HSPA12B: variants seen among roughly 807,000 people sequenced by gnomAD.
HSPA12B encodes heat shock 70 kDa protein 12B.
In HSPA12B, 54 loss-of-function variants were observed where a neutral mutation model predicts 69.3. The observed-to-expected ratio is 0.78, with a 90% CI of 0.63 to 0.98. The LOEUF (loss-of-function observed/expected upper bound fraction) is 0.98, where lower values mean the gene tolerates loss of function less well. Among genes scored for constraint, HSPA12B ranks in the 50% least tolerant of loss-of-function variants. The pLI is 0.00. For missense variants in HSPA12B, 929 were observed against 999.8 expected (o/e 0.93, Z 0.96); for synonymous variants, 441 against 436.5 (o/e 1.01, Z -0.13).
rs1435166254 is a variant in HSPA12B at position 3,749,654 on chromosome 20, C to G, written c.938-96C>G. ...CCGACCCTGCAGACAGGCCTTGGGA[C>G]CCGGGGCAGGGCTGGAGGCTGGGCG... is the stretch of plus-strand genomic sequence containing the variant. On this transcript the variant is annotated intron_variant, in intron 9 of 12. Transcript: ENST00000254963. This position sits in a 1 kb window ranked among gnomAD's most constrained non-coding sequence, Gnocchi z 5.5. 1.8e-5 allele frequency: 17 copies of G among 922,332 alleles called. No individual in the cohort carries two copies. Among genetic ancestry groups the G allele is most frequent in the Admixed American group, 1.6e-4 (6 of 36,396 alleles). The allele number at this position is 922,332 out of a possible 1,614,324, so 57.1% of individuals were successfully genotyped here. A position where few individuals can be genotyped will look rare whatever the true frequency, so the allele number is the denominator to read the frequency against.
intron 4 of HSPA12B, among the ~76,000 whole-genome samples, chr20:3,743,352 TAAAAA>T (rs10716070): frequency 6.8e-6 from 1 of 147,294 alleles, no homozygotes; most frequent in African/African-American, 2.5e-5. Context: ...CTGGCTAATT[TAAAAA>T]AAAAAAAAAA....
chr20:3,738,283 G>T (rs1238887980), intron 1 of HSPA12B, among the ~76,000 whole-genome samples: 1 of 152,190 alleles, frequency 6.6e-6, no homozygotes, highest in Non-Finnish European at 1.5e-5. Context: ...TCTAGGGCAG[G>T]GACAGTGTCT....
At chr20:3,750,618 CT>C in intron 11 of HSPA12B, 185 bp from the exon 12 acceptor site, 1 of 971,730 alleles carries the variant, frequency 1.0e-6, no homozygotes, top group South Asian at 4.8e-5. Context: ...ACTAAATCCT[CT>C]GAGTGAGTAG....
Position 3,740,530 on chromosome 20 carries a change from C to T in HSPA12B, c.44-285C>T, listed in dbSNP as rs188553905. 1.3e-5 allele frequency among the ~76,000 whole-genome samples: 2 copies of T among 152,318 alleles called. No individual in the cohort carries two copies. The highest frequency in any genetic ancestry group is 2.4e-5 in the African/African-American group (1 of 41,564). On this transcript the variant is annotated intron_variant, in intron 2 of 12. Transcript: ENST00000254963. The surrounding 1 kb of genome is among the most constrained non-coding windows in gnomAD (Gnocchi z 4.9). ...CACACAATGCTTTTCTGTCTCTCTCCCCTCCCACACTGTGTGTCTGAGGGG... is the reference window on the plus strand; with the variant it reads ...CACACAATGCTTTTCTGTCTCTCTCTCCTCCCACACTGTGTGTCTGAGGGG...
chr20:3,740,833 C>T lies in HSPA12B; in HGVS notation c.62C>T (p.Ser21Phe), dbSNP rs867494918. ...TCTGCAGGCTCCAGCCCGGAGCGGT[C>T]CCCAGTGCCTAGCCCACCCGGCTCC... Reference protein sequence around the residue: ...GLYIGSSPERSPVPSPPGSPR... With the variant: ...GLYIGSSPERFPVPSPPGSPR... The change falls in exon 3 of 13, where the codon TCC becomes TTC. Residue 21 changes from serine to phenylalanine, a missense_variant. By Grantham distance (155) the Ser-to-Phe change is radical. Coordinates refer to ENST00000254963, the MANE Select transcript of HSPA12B (RefSeq NM_052970.5). This position sits in a 1 kb window ranked among gnomAD's most constrained non-coding sequence, Gnocchi z 4.9. The T allele has an allele frequency of 1.2e-6, 2 of 1,613,626 alleles. No individual in the cohort carries two copies. The highest frequency in any genetic ancestry group is 1.3e-5 in the African/African-American group (1 of 75,048).
chr20:3,736,308 CTTCTGA>C (rs1479457831), intron 1 of HSPA12B, among the ~76,000 whole-genome samples: 1 of 152,330 alleles, frequency 6.6e-6, no homozygotes, highest in East Asian at 1.9e-4. Context: ...ACCCATCCTT[CTTCTGA>C]TTCTGATTCC....
chr20:3,748,229 T>G lies in HSPA12B; in HGVS notation c.688T>G (p.Ser230Ala). The G allele has an allele frequency of 1.9e-6, 3 of 1,576,786 alleles. No individual in the cohort carries two copies. Among genetic ancestry groups the G allele is most frequent in the Non-Finnish European group, 1.7e-6 (2 of 1,158,922 alleles). The change falls in exon 8 of 13, where the codon TCC (serine) becomes GCC (alanine). Residue 230 changes from serine (S) to alanine (A), a missense_variant. Around this residue, in one of 3 missense-constraint regions of HSPA12B, gnomAD observed 477 missense variants for 535.2 expected, o/e 0.89. Coordinates refer to ENST00000254963, the MANE Select transcript of HSPA12B (RefSeq NM_052970.5). ...CACCCATCCCCAGGCTGGACTAGTGTCCCGAGAGAATGCAGAGCAGCTACT... is the reference window on the plus strand; with the variant it reads ...CACCCATCCCCAGGCTGGACTAGTGGCCCGAGAGAATGCAGAGCAGCTACT... ...REAAYLAGLV[S>A]RENAEQLLIA...
In HSPA12B at chr20:3,745,121, G is replaced by C. The variant is rs749852060; in HGVS notation, c.453+33G>C. On this transcript the variant is annotated intron_variant, in intron 5 of 12. Transcript: ENST00000254963. The surrounding 1 kb of genome is among the most constrained non-coding windows in gnomAD (Gnocchi z 5.6). The stretch of plus-strand genomic sequence containing the variant: ...ACAGGGCTCCAGACAGGGAGGCGGG[G>C]CCAGCATGGAAAAGGGCAGGGCTAA... 1.2e-5 allele frequency: 19 copies of C among 1,546,942 alleles called. No individual in the cohort carries two copies. The highest frequency in any genetic ancestry group is 1.7e-5 in the Non-Finnish European group (19 of 1,128,316).
chr20:3,749,176 G>GC lies in HSPA12B; in HGVS notation c.851-54dup. The GC allele has an allele frequency of 6.7e-7, 1 of 1,496,116 alleles. No individual in the cohort carries two copies. The highest frequency in any genetic ancestry group is 9.2e-7 in the Non-Finnish European group (1 of 1,087,390). 92.7% of individuals were successfully genotyped at this position (1,496,116 alleles called of 1,614,324 possible). On this transcript the variant is annotated intron_variant, in intron 8 of 12. Coordinates refer to ENST00000254963, the MANE Select transcript of HSPA12B (RefSeq NM_052970.5). The surrounding 1 kb of genome is among the most constrained non-coding windows in gnomAD (Gnocchi z 5.5). Reference sequence around the variant, plus strand: ...CTGGGCAGGAGGATGGGAGTTGAACGCCATAGCTGGAGCACCTCCTTCTAA... The same window carrying GC: ...CTGGGCAGGAGGATGGGAGTTGAACGCCCATAGCTGGAGCACCTCCTTCTAA...
At chr20:3,739,060 C>T (rs1341637820) in intron 2 of HSPA12B, among the ~76,000 whole-genome samples, 4 of 152,118 alleles carry the variant, frequency 2.6e-5, no homozygotes, top group East Asian at 1.9e-4. Context: ...TATGCATGTG[C>T]GTGTGTTTTG....
chr20:3,751,468 T>C (rs2088418800), intron 12 of HSPA12B, 43 bp from the exon 13 acceptor site: 2 of 1,367,608 alleles, frequency 1.5e-6, no homozygotes, highest in Admixed American at 7.2e-5. Context: ...CCGCCCCTTC[T>C]CCTCTGCCCC....
intron 4 of HSPA12B, 69 bp downstream of exon 4, chr20:3,742,477 G>A: frequency 7.8e-7 from 1 of 1,288,498 alleles, no homozygotes; most frequent in Non-Finnish European, 1.1e-6. Context: ...GGTCCCAAAA[G>A]TACTGTCACC....
At position 3,745,192 on chromosome 20, in the gene HSPA12B, T is replaced by A; in HGVS notation, c.453+104T>A. Reference sequence around the variant, plus strand: ...CCAAAACGTGTGAGGACCGGCCCGATGGAGTCGTGGCTGAGAGGGGGCGGG... The same window carrying A: ...CCAAAACGTGTGAGGACCGGCCCGAAGGAGTCGTGGCTGAGAGGGGGCGGG... On this transcript the variant is annotated intron_variant, in intron 5 of 12. Coordinates refer to ENST00000254963, the MANE Select transcript of HSPA12B (RefSeq NM_052970.5). The surrounding 1 kb of genome is among the most constrained non-coding windows in gnomAD (Gnocchi z 5.6). 3.7e-6 allele frequency: 4 copies of A among 1,076,788 alleles called. No individual in the cohort carries two copies. Among genetic ancestry groups the A allele is most frequent in the South Asian group, 2.9e-5 (2 of 67,846 alleles). 66.7% of individuals were successfully genotyped at this position (1,076,788 alleles called of 1,614,324 possible).
intron 7 of HSPA12B, among the ~76,000 whole-genome samples, chr20:3,747,212 T>C (rs2088322575): frequency 6.6e-6 from 1 of 152,074 alleles, no homozygotes. Context: ...GACCCTAAGC[T>C]GTCCAAAAGG....
intron 1 of HSPA12B, among the ~76,000 whole-genome samples, chr20:3,735,851 C>T (rs1471824255): frequency 6.6e-6 from 1 of 152,102 alleles, no homozygotes. Context: ...ATTCATTCAA[C>T]AAAGTGGTTC....
At chr20:3,750,580 C>T in intron 11 of HSPA12B, 1 of 825,948 alleles carries the variant, frequency 1.2e-6, no homozygotes, top group Non-Finnish European at 1.5e-6. Flanking sequence ...CCCAGGACCT[C>T]GTACCTGGAA....
At chr20:3,734,083 G>A (rs1345593239) in intron 1 of HSPA12B, among the ~76,000 whole-genome samples, 3 of 152,208 alleles carry the variant, frequency 2.0e-5, no homozygotes, top group East Asian at 1.9e-4. Context: ...TGGGAGGATC[G>A]CTTGAGGCCA....
chr20:3,747,685 T>C (rs1320058016), intron 7 of HSPA12B, among the ~76,000 whole-genome samples: 3 of 152,240 alleles, frequency 2.0e-5, no homozygotes, highest in Admixed American at 6.5e-5. Context: ...CCCTGCTGTA[T>C]CAGATTCCCT....
chr20:3,734,301 C>T (rs2088074768), intron 1 of HSPA12B, among the ~76,000 whole-genome samples: 1 of 152,206 alleles, frequency 6.6e-6, no homozygotes. Flanking sequence ...GACTAATCGG[C>T]CCTGCCTATT....
Sources: allele counts gnomAD v4.1 joint callset (sites outside exome capture counted in the v4.1 genomes callset), GRCh38; gene constraint gnomAD v4.1.1; regional missense constraint gnomAD v4.1.1; non-coding constraint Gnocchi (gnomAD v3.1); transcripts MANE v1.5; gene names NCBI Gene and HGNC (gene_info 2026-07-23, HGNC 2026-07-21).